The following DCDC1 variants were observed in gnomAD, a reference collection of about 807,000 sequenced individuals.
The protein encoded by DCDC1 is doublecortin domain containing 1, also known as doublecortin domain-containing protein 1.
A neutral mutation model predicts 178.3 loss-of-function variants in DCDC1; 200 were observed. The observed-to-expected ratio is 1.12, with a 90% confidence interval of 1.00 to 1.26. The LOEUF (loss-of-function observed/expected upper bound fraction) is 1.26, where lower values mean the gene tolerates loss of function less well. Among genes scored for constraint, DCDC1 ranks in the 50% most tolerant of loss-of-function variants. DCDC1 has a pLI of 0.00. For missense variants in DCDC1, 1,983 were observed against 1,749.2 expected (o/e 1.13, Z -2.38); for synonymous variants, 690 against 604.8 (o/e 1.14, Z -2.07).
At chr11:30,991,199 G>C (rs1196803607) in intron 20 of DCDC1, among the ~76,000 whole-genome samples, 1 of 152,134 alleles carries the variant, frequency 6.6e-6, no homozygotes, top group Non-Finnish European at 1.5e-5. Context: ...AGGAGAGAAG[G>C]CTATGAGAGC....
At chr11:31,256,903 G>A (rs1944446557) in intron 8 of DCDC1, among the ~76,000 whole-genome samples, 1 of 152,106 alleles carries the variant, frequency 6.6e-6, no homozygotes, top group South Asian at 2.1e-4. Context: ...ATACTGAGGT[G>A]GGCTGTGGAG....
At chr11:31,240,352 C>A (rs555005203) in intron 9 of DCDC1, among the ~76,000 whole-genome samples, 1 of 151,782 alleles carries the variant, frequency 6.6e-6, no homozygotes, top group Non-Finnish European at 1.5e-5. Context: ...TAATTATAAT[C>A]CTGTTTCTGG....
intron 8 of DCDC1, among the ~76,000 whole-genome samples, chr11:31,244,690 A>T (rs1321125600): frequency 1.3e-5 from 2 of 151,744 alleles, no homozygotes; most frequent in Non-Finnish European, 2.9e-5. Context: ...AATGGTTTGG[A>T]AGTTAATCAT....
chr11:31,357,248 T>C (rs1040560510), intron 1 of DCDC1, among the ~76,000 whole-genome samples: 1 of 151,916 alleles, frequency 6.6e-6, no homozygotes, highest in Non-Finnish European at 1.5e-5. Flanking sequence ...CATGATCAAG[T>C]GGGCTTCATC....
At chr11:31,199,539 C>T (rs577347121) in intron 9 of DCDC1, among the ~76,000 whole-genome samples, 8 of 152,164 alleles carry the variant, frequency 5.3e-5, no homozygotes, top group African/African-American at 1.2e-4. Flanking sequence ...CTAATTGTTC[C>T]GATTAAAGTC....
rs77338803 is a variant in DCDC1, at chr11:31,344,427, C to T, written c.-124-8863G>A. 8.0e-3 allele frequency among the ~76,000 whole-genome samples: 1,224 copies of T among 152,262 alleles called. 22 individuals are homozygous for T. The highest frequency in any genetic ancestry group is 0.028 in the African/African-American group (1,173 of 41,544). On this transcript the variant is annotated intron_variant, in intron 1 of 38. Transcript: ENST00000684477. ...CCATCCTTTTTTACAAAAGACATTCCTGTCCTTAGTGGTTGAGTCTGGACT... is the reference window on the plus strand; with the variant it reads ...CCATCCTTTTTTACAAAAGACATTCTTGTCCTTAGTGGTTGAGTCTGGACT...
At chr11:30,990,688 C>T (rs1950923985) in intron 20 of DCDC1, among the ~76,000 whole-genome samples, 1 of 152,168 alleles carries the variant, frequency 6.6e-6, no homozygotes, top group Admixed American at 6.5e-5. Context: ...TTAGTTTACA[C>T]TAATAACAAA....
intron 9 of DCDC1, among the ~76,000 whole-genome samples, chr11:31,155,468 C>A (rs958245416): frequency 1.3e-5 from 2 of 152,166 alleles, no homozygotes; most frequent in African/African-American, 2.4e-5. Context: ...GAAATCTCCA[C>A]AGAAAAAATA....
chr11:31,243,241 C>T (rs1004747651), intron 8 of DCDC1, among the ~76,000 whole-genome samples: 1 of 151,670 alleles, frequency 6.6e-6, no homozygotes, highest in Non-Finnish European at 1.5e-5. Context: ...ACCTTGATTA[C>T]AATTTTTTCA....
At chr11:31,018,012 T>G (rs1952601742) in intron 20 of DCDC1, among the ~76,000 whole-genome samples, 2 of 152,196 alleles carry the variant, frequency 1.3e-5, no homozygotes, top group Non-Finnish European at 2.9e-5. Flanking sequence ...AGATCTCCTT[T>G]TAACTGTGGA....
chr11:31,185,926 A>G (rs1362482742), intron 9 of DCDC1, among the ~76,000 whole-genome samples: 2 of 152,234 alleles, frequency 1.3e-5, no homozygotes, highest in African/African-American at 4.8e-5. Flanking sequence ...AAACATGTTA[A>G]GCCAAAATAC....
intron 9 of DCDC1, among the ~76,000 whole-genome samples, chr11:31,208,625 C>T (rs1972138618): frequency 1.3e-5 from 2 of 152,128 alleles, no homozygotes. Flanking sequence ...AAAGAAACTC[C>T]TTACCATGCT....
rs1956174140 is a variant in DCDC1 at position 31,065,111 on chromosome 11, C to T, written c.2341G>A (p.Ala781Thr). The T allele has an allele frequency of 1.3e-6, 1 of 765,184 alleles. No individual in the cohort carries two copies. The highest frequency in any genetic ancestry group is 1.7e-5 in the Admixed American group (1 of 58,708). 47.4% of individuals were successfully genotyped at this position (765,184 alleles called of 1,614,324 possible). A position where few individuals can be genotyped will look rare whatever the true frequency, so the allele number is the denominator to read the frequency against. Residue 781 changes from alanine (A) to threonine (T), a missense_variant, in exon 19 of 39, where the codon GCA becomes ACA. Ala to Thr is a moderately conservative substitution (Grantham distance 58). Transcript: ENST00000684477. Reference protein sequence around the residue: ...FVLTYLEELNAQVDVTQTEYH... With the variant: ...FVLTYLEELNTQVDVTQTEYH... Reference sequence around the variant, plus strand: ...TCTGTCTGGGTCACATCTACTTGTGCATTTAGCTCCTCTAGGTAGGTCAGA... The same window carrying T: ...TCTGTCTGGGTCACATCTACTTGTGTATTTAGCTCCTCTAGGTAGGTCAGA...
At chr11:31,239,069 A>G (rs997964146) in intron 9 of DCDC1, among the ~76,000 whole-genome samples, 2 of 152,104 alleles carry the variant, frequency 1.3e-5, no homozygotes, top group Non-Finnish European at 2.9e-5. Context: ...AGACATCAAG[A>G]TAATATTGTT....
intron 1 of DCDC1, among the ~76,000 whole-genome samples, chr11:31,358,464 A>C (rs1480422223): frequency 6.6e-6 from 1 of 151,796 alleles, no homozygotes; most frequent in African/African-American, 2.4e-5. Flanking sequence ...CTTAAACGTT[A>C]GACCTAAAAC....
chr11:30,928,743 T>C (rs894163636), intron 22 of DCDC1, among the ~76,000 whole-genome samples: 2 of 138,482 alleles, frequency 1.4e-5, no homozygotes, highest in African/African-American at 2.7e-5. Flanking sequence ...TGTTATTACA[T>C]AAATATTTAT....
At chr11:31,260,502 G>A (rs1250042083) in intron 8 of DCDC1, among the ~76,000 whole-genome samples, 1 of 152,106 alleles carries the variant, frequency 6.6e-6, no homozygotes, top group Admixed American at 6.6e-5. Flanking sequence ...AATTTGGGGT[G>A]GGAAATGAAA....
chr11:31,091,111 A>C (rs527248764), intron 17 of DCDC1, among the ~76,000 whole-genome samples: 1 of 152,316 alleles, frequency 6.6e-6, no homozygotes, highest in African/African-American at 2.4e-5. Context: ...ATATAAAGAA[A>C]TGAGTTCTGA....
At chr11:31,063,727 T>A (rs774735149) in intron 20 of DCDC1, among the ~76,000 whole-genome samples, 22 of 152,090 alleles carry the variant, frequency 1.4e-4, no homozygotes, top group Non-Finnish European at 1.8e-4. Context: ...ATAAATAAAT[T>A]AATTAATTAA....
Sources: allele counts gnomAD v4.1 joint callset (sites outside exome capture counted in the v4.1 genomes callset), GRCh38; gene constraint gnomAD v4.1.1; transcripts MANE v1.5; gene names NCBI Gene and HGNC (gene_info 2026-07-23, HGNC 2026-07-21).